Variants in SAMHD1 observed in about 807,000 individuals in gnomAD.
The protein encoded by SAMHD1 is SAM and HD domain containing deoxynucleoside triphosphate triphosphohydrolase 1.
A neutral mutation model predicts 79.6 loss-of-function variants in SAMHD1; 54 were observed. That is an observed-to-expected ratio of 0.68 (90% CI 0.55 to 0.85). SAMHD1 has a LOEUF of 0.85. Among genes scored for constraint, SAMHD1 ranks in the 40% least tolerant of loss-of-function variants. SAMHD1 has a pLI of 0.00. For missense variants in SAMHD1, 663 were observed against 782.7 expected, an observed-to-expected ratio of 0.85 and a Z score of 1.82; for synonymous variants, 260 against 264.1, an observed-to-expected ratio of 0.98 and a Z score of 0.15.
At chr20:36,904,368 A>G (rs1601118743) in intron 12 of SAMHD1, 119 bp from the exon 13 acceptor site, 1 of 763,578 alleles carries the variant, frequency 1.3e-6, no homozygotes, top group East Asian at 2.5e-5. Context: ...GATATCCTTA[A>G]CAAATATAGC....
chr20:36,927,312 TC>T, intron 5 of SAMHD1, 60 bp from the exon 6 acceptor site: 2 of 1,307,788 alleles, frequency 1.5e-6, no homozygotes, highest in Admixed American at 1.9e-5. Context: ...AAAAACTTTT[TC>T]CTTTTTTTTT....
At chr20:36,917,277 G>A (rs1016116995) in intron 7 of SAMHD1, 6 of 520,022 alleles carry the variant, frequency 1.2e-5, no homozygotes, top group East Asian at 3.4e-5. Flanking sequence ...ACATTTTCTT[G>A]TGCCACTGAA....
chr20:36,951,577 AG>A lies in SAMHD1; in HGVS notation c.66del (p.Ser23GlnfsTer43), dbSNP rs1442728513. 4 of 1,613,922 alleles carry A rather than the reference AG, an allele frequency of 2.5e-6. No homozygotes were observed. The highest frequency in any genetic ancestry group is 3.4e-6 in the Non-Finnish European group (4 of 1,179,970). On this transcript the variant is annotated frameshift_variant, in exon 1 of 16. Transcript: ENST00000646673. LOFTEE classifies it high-confidence loss of function. The stretch of plus-strand genomic sequence containing the variant: ...TCTGCCTCTGCGGAAGGGGTGTTTG[AG>A]GGGGTTCTCGGGCTGTCATCGCAAC... Reference protein sequence around the residue: ...RPRCDDSPRTPSNTPSAEADW... With the variant: ...RPRCDDSPRTXSNTPSAEADW...
Position 36,911,207 on chromosome 20 carries a change from T to C in SAMHD1, c.1270+11A>G. 1.3e-6 allele frequency: 2 copies of C among 1,552,328 alleles called. No homozygotes were observed. The highest frequency in any genetic ancestry group is 1.7e-4 in the Middle Eastern group (1 of 5,964). On this transcript the variant is annotated intron_variant, in intron 11 of 15. Transcript: ENST00000646673. Reference sequence around the variant, plus strand: ...TGAGATGGACCATCTATGTTACCTGTTACTTCTTACCTGTCAGCTTAGTAT... The same window carrying C: ...TGAGATGGACCATCTATGTTACCTGCTACTTCTTACCTGTCAGCTTAGTAT...
chr20:36,940,808 G>A lies in SAMHD1; in HGVS notation c.348+231C>T, dbSNP rs145244795. The A allele has an allele frequency of 5.4e-3, 3,077 of 569,162 alleles. 58 individuals are homozygous for A. Among genetic ancestry groups the A allele is most frequent in the East Asian group, 0.038 (1,304 of 33,902 alleles). The allele number at this position is 569,162 out of a possible 1,614,324, so 35.3% of individuals were successfully genotyped here. On this transcript the variant is annotated intron_variant, in intron 3 of 15. Coordinates refer to ENST00000646673, the MANE Select transcript of SAMHD1 (RefSeq NM_015474.4). ...GCAAAATATTAATATTTGACAAGTT[G>A]GGTAGTGGTCTACTTATGCTTTTCT...
intron 2 of SAMHD1, among the ~76,000 whole-genome samples, chr20:36,946,148 G>A (rs547663570): frequency 3.3e-5 from 5 of 151,910 alleles, no homozygotes; most frequent in Admixed American, 6.6e-5. Flanking sequence ...TGGGGCAGCC[G>A]GGCGCGGTAA....
At chr20:36,936,251 A>G (rs2063602759) in intron 3 of SAMHD1, among the ~76,000 whole-genome samples, 3 of 152,146 alleles carry the variant, frequency 2.0e-5, no homozygotes, top group African/African-American at 2.4e-5. Context: ...AAAAAAGAAG[A>G]AAAAAAGCAA....
At position 36,899,390 on chromosome 20, in the gene SAMHD1, T is replaced by C. The variant is rs550308840; in HGVS notation, c.1504-846A>G. Among the ~76,000 whole-genome samples, 304 of 152,000 alleles carry C rather than the reference T, an allele frequency of 2.0e-3. 1 individual carries two copies. The highest frequency in any genetic ancestry group is 6.8e-3 in the African/African-American group (282 of 41,426). ...TTGCAGTGAGTTGAGATTGCGCCAC[T>C]GCACTCCAGCCTAGGCAACAGAGCA... On this transcript the variant is annotated intron_variant, in intron 13 of 15. Transcript: ENST00000646673.
intron 13 of SAMHD1, among the ~76,000 whole-genome samples, chr20:36,903,550 CTTTTTCT>C (rs2063388142): frequency 3.7e-5 from 3 of 81,304 alleles, no homozygotes; most frequent in South Asian, 5.3e-4. Flanking sequence ...TTTTTTTTTT[CTTTTTCT>C]TTTTTTTTTT....
chr20:36,921,682 C>A (rs1209896904), intron 6 of SAMHD1, among the ~76,000 whole-genome samples: 4 of 151,190 alleles, frequency 2.6e-5, no homozygotes, highest in Non-Finnish European at 5.9e-5. Context: ...TGCCACCACA[C>A]CCAGCTAATT....
chr20:36,901,758 C>T (rs1322561099), intron 13 of SAMHD1, among the ~76,000 whole-genome samples: 1 of 151,990 alleles, frequency 6.6e-6, no homozygotes, highest in Non-Finnish European at 1.5e-5. Context: ...AAATAATTAA[C>T]ACTAAATACA....
At chr20:36,914,068 A>G (rs992151002) in intron 9 of SAMHD1, among the ~76,000 whole-genome samples, 1 of 151,800 alleles carries the variant, frequency 6.6e-6, no homozygotes, top group Non-Finnish European at 1.5e-5. Flanking sequence ...TTGACTTTCT[A>G]TAGTATAGTA....
intron 6 of SAMHD1, among the ~76,000 whole-genome samples, chr20:36,920,371 C>A (rs939589808): frequency 1.2e-4 from 19 of 152,160 alleles, no homozygotes; most frequent in African/African-American, 4.6e-4. Context: ...CTGTCTCAGC[C>A]TCCCAAAGTG....
intron 7 of SAMHD1, among the ~76,000 whole-genome samples, chr20:36,918,821 A>AG (rs2063489955): frequency 1.4e-5 from 2 of 147,726 alleles, no homozygotes; most frequent in African/African-American, 2.5e-5. Context: ...AAAAAAAAAA[A>AG]AAAGAAAGAA....
rs542947370 is a variant in SAMHD1, at chr20:36,944,077, C to CA, written c.275+2660dup. Reference sequence around the variant, plus strand: ...TGAGTGACAGAGCAAGACTCCATCTCAAAAAAAAAAAAAAAAAAAAGAACT... The same window carrying CA: ...TGAGTGACAGAGCAAGACTCCATCTCAAAAAAAAAAAAAAAAAAAAAGAACT... On this transcript the variant is annotated intron_variant, in intron 2 of 15. Transcript: ENST00000646673. Among the ~76,000 whole-genome samples the CA allele has an allele frequency of 6.2e-3, 561 of 89,956 alleles. 16 individuals are homozygous for CA. The highest frequency in any genetic ancestry group is 0.013 in the African/African-American group (318 of 24,182). The allele number at this position is 89,956 out of a possible 152,430, so 59.0% of individuals were successfully genotyped here. A position where few individuals can be genotyped will look rare whatever the true frequency, so the allele number is the denominator to read the frequency against.
rs1470044227 is a variant in SAMHD1, at chr20:36,951,556, C to T, written c.88G>A (p.Ala30Thr). The change falls in exon 1 of 16, where the codon GCA becomes ACA. Residue 30 changes from alanine to threonine, a missense_variant. Transcript: ENST00000646673. ...AGTTCCAGGCCCGGGGACCAGTCTG[C>T]CTCTGCGGAAGGGGTGTTTGAGGGG... ...RTPSNTPSAE[A>T]DWSPGLELHP... is the part of the protein sequence containing the mutation. 1.9e-6 allele frequency: 3 copies of T among 1,614,202 alleles called. No individual in the cohort carries two copies. In the South Asian group the frequency reaches 3.3e-5, roughly 18 times the overall value.
intron 11 of SAMHD1, among the ~76,000 whole-genome samples, chr20:36,908,735 T>A (rs1267780961): frequency 6.6e-6 from 1 of 152,020 alleles, no homozygotes; most frequent in East Asian, 1.9e-4. Flanking sequence ...TCAAACACAG[T>A]TTAGGAGGAG....
intron 9 of SAMHD1, among the ~76,000 whole-genome samples, chr20:36,914,219 CT>C (rs2063461896): frequency 6.6e-6 from 1 of 152,150 alleles, no homozygotes; most frequent in African/African-American, 2.4e-5. Flanking sequence ...GCTGCCACCC[CT>C]GAGACAGTAA....
intron 11 of SAMHD1, among the ~76,000 whole-genome samples, chr20:36,910,137 G>A (rs2063428677): frequency 6.6e-6 from 1 of 151,714 alleles, no homozygotes; most frequent in East Asian, 1.9e-4. Flanking sequence ...GCAGGAGAAT[G>A]GTGTGAACCC....
Sources: gnomAD v4.1 joint callset for allele counts (sites outside exome capture counted in the v4.1 genomes callset) on GRCh38, gnomAD v4.1.1 for gene constraint, MANE v1.5 for transcripts, NCBI Gene and HGNC (gene_info 2026-07-23, HGNC 2026-07-21) for gene names.